Variants in RFX2 observed in about 807,000 individuals in gnomAD.
The protein encoded by RFX2 is regulatory factor X2, also known as DNA-binding protein RFX2.
In RFX2, 20 loss-of-function variants were observed where a neutral mutation model predicts 87.8. That is an observed-to-expected ratio of 0.23 (90% CI 0.16 to 0.33). The LOEUF is 0.33. Among genes scored for constraint, RFX2 ranks in the 10% least tolerant of loss-of-function variants. The pLI, the probability that RFX2 is intolerant of heterozygous loss-of-function variation, is 1.00. For synonymous variants in RFX2, 397 were observed against 431.3 expected (o/e 0.92, Z 0.98); for missense variants, 767 against 1,012.3 (o/e 0.76, Z 3.29).
intron 1 of RFX2, among the ~76,000 whole-genome samples, chr19:6,103,093 T>G (rs2088153810): frequency 6.6e-6 from 1 of 152,250 alleles, no homozygotes; most frequent in Admixed American, 6.5e-5. Context: ...CTGGGCTTCA[T>G]TATGTAATAA....
rs1437912363 is a variant in RFX2 at position 6,094,266 on chromosome 19, GA to G, written c.-9+16126del. 2.0e-5 allele frequency among the ~76,000 whole-genome samples: 3 copies of G among 151,792 alleles called. No homozygotes were observed. In the East Asian group the frequency reaches 5.8e-4, roughly 29 times the overall value. On this transcript the variant is annotated intron_variant, in intron 1 of 17. Coordinates refer to ENST00000303657, the MANE Select transcript of RFX2 (RefSeq NM_000635.4). The stretch of plus-strand genomic sequence containing the variant: ...TTTACAATTTGGATTTTTTTTTAAT[GA>G]TGAAAACGTAAGACTTTTATAATGT...
Position 6,007,993 on chromosome 19 carries a change from T to A in RFX2, c.1134+113A>T, listed in dbSNP as rs1255695577. 1 of 855,028 alleles carries A rather than the reference T, an allele frequency of 1.2e-6. No homozygotes were observed. Among genetic ancestry groups the A allele is most frequent in the South Asian group, 1.4e-5 (1 of 69,140 alleles). The allele number at this position is 855,028 out of a possible 1,614,324, so 53.0% of individuals were successfully genotyped here. ...GCTGCTGCTTCAGAGAGGATGCTTG[T>A]TGGGGGGCTCGGGGCTCCAGCTCCT... On this transcript the variant is annotated intron_variant, in intron 10 of 17. Coordinates refer to ENST00000303657, the MANE Select transcript of RFX2 (RefSeq NM_000635.4). The surrounding 1 kb of genome is among the most constrained non-coding windows in gnomAD (Gnocchi z 8.2).
chr19:6,063,473 A>T lies in RFX2; in HGVS notation c.-8-15969T>A, dbSNP rs1490548495. 6.6e-6 allele frequency among the ~76,000 whole-genome samples: 1 copy of T among 152,156 alleles called. No homozygotes were observed. The highest frequency in any genetic ancestry group is 1.5e-5 in the Non-Finnish European group (1 of 68,022). Reference sequence around the variant, plus strand: ...GGGAGGGTGAGGATGGGGTCCATGCACCTGCCAGGGTGGGGATGGACAAGA... The same window carrying T: ...GGGAGGGTGAGGATGGGGTCCATGCTCCTGCCAGGGTGGGGATGGACAAGA... On this transcript the variant is annotated intron_variant, in intron 1 of 17. Coordinates refer to ENST00000303657, the MANE Select transcript of RFX2 (RefSeq NM_000635.4). This position sits in a 1 kb window ranked among gnomAD's most constrained non-coding sequence, Gnocchi z 4.0.
chr19:6,056,441 G>A lies in RFX2; in HGVS notation c.-8-8937C>T, dbSNP rs571839480. 2.0e-5 allele frequency among the ~76,000 whole-genome samples: 3 copies of A among 152,346 alleles called. No individual in the cohort carries two copies. In the South Asian group the frequency reaches 6.2e-4, roughly 32 times the overall value. On this transcript the variant is annotated intron_variant, in intron 1 of 17. Transcript: ENST00000303657. The surrounding 1 kb of genome is among the most constrained non-coding windows in gnomAD (Gnocchi z 4.6). ...CTGGCGGTGCTTCCAGGTAAGCGCAGTAGCTCACATGGTCCTCCCAGAAGG... is the reference window on the plus strand; with the variant it reads ...CTGGCGGTGCTTCCAGGTAAGCGCAATAGCTCACATGGTCCTCCCAGAAGG...
intron 1 of RFX2, among the ~76,000 whole-genome samples, chr19:6,086,712 T>G (rs1167941728): frequency 6.6e-6 from 1 of 152,218 alleles, no homozygotes; most frequent in Non-Finnish European, 1.5e-5. Flanking sequence ...CCTTTGACAG[T>G]AATGGATGCA....
chr19:6,051,955 G>T (rs1176298102), intron 1 of RFX2, among the ~76,000 whole-genome samples: 1 of 152,144 alleles, frequency 6.6e-6, no homozygotes, highest in Admixed American at 6.6e-5. Flanking sequence ...TCAGCTCACT[G>T]CAAGCTCCAC....
chr19:5,995,594 C>T lies in RFX2; in HGVS notation c.2056+7G>A. 1 of 1,552,030 alleles carries T rather than the reference C, an allele frequency of 6.4e-7. No individual in the cohort carries two copies. ...GGTCGTGGTGGGAAAGCCGCAGACG[C>T]ACCTACCTTTGTCGAGCAGCGTCAG... On this transcript the variant is annotated splice_region_variant and intron_variant, in intron 17 of 17. Transcript: ENST00000303657.
intron 9 of RFX2, among the ~76,000 whole-genome samples, chr19:6,008,725 T>G (rs2086623200): frequency 7.0e-6 from 1 of 142,450 alleles, no homozygotes; most frequent in Non-Finnish European, 1.5e-5. Context: ...TCACCCAGGC[T>G]GGAGTGCAGT....
chr19:6,006,459 C>T (rs1255436358), intron 12 of RFX2, among the ~76,000 whole-genome samples: 1 of 137,794 alleles, frequency 7.3e-6, no homozygotes, highest in African/African-American at 3.0e-5. Context: ...ATGCCCAGCT[C>T]ATTTTTTTTT....
At chr19:6,109,954 AG>A (rs900015432) in intron 1 of RFX2, among the ~76,000 whole-genome samples, 1 of 150,540 alleles carries the variant, frequency 6.6e-6, no homozygotes, top group African/African-American at 2.5e-5. Context: ...TATGAGTAAA[AG>A]AGGGGTCCTT....
rs143212551 is a variant in RFX2, at chr19:6,040,201, C to T, written c.301G>A (p.Ala101Thr). Residue 101 changes from alanine (A) to threonine (T), a missense_variant, in exon 5 of 18, where the codon GCC becomes ACC. Around this residue, in one of 2 missense-constraint regions of RFX2, gnomAD observed 146 missense variants for 139.2 expected, o/e 1.05. Coordinates refer to ENST00000303657, the MANE Select transcript of RFX2 (RefSeq NM_000635.4). The surrounding 1 kb of genome is among the most constrained non-coding windows in gnomAD (Gnocchi z 6.1). Reference protein sequence around the residue: ...YTYNPEPQMYAPSSTASYFEA... With the variant: ...YTYNPEPQMYTPSSTASYFEA... ...AAGTAAGAAGCCGTGCTGCTGGGGGCGTACATCTGAGGCTCGGGGTTGTAG... is the reference window on the plus strand; with the variant it reads ...AAGTAAGAAGCCGTGCTGCTGGGGGTGTACATCTGAGGCTCGGGGTTGTAG... The T allele has an allele frequency of 2.0e-4, 320 of 1,587,850 alleles. No individual in the cohort carries two copies. Among genetic ancestry groups the T allele is most frequent in the Non-Finnish European group, 2.5e-4 (293 of 1,160,514 alleles).
At chr19:6,084,639 C>CTTTT (rs1189568545) in intron 1 of RFX2, among the ~76,000 whole-genome samples, 2 of 122,944 alleles carry the variant, frequency 1.6e-5, no homozygotes, top group African/African-American at 9.4e-5. Flanking sequence ...TTCTTTCTTT[C>CTTTT]TTTCTTTTTT....
In RFX2 at chr19:6,004,167, T is replaced by C. The variant is rs1325506329; in HGVS notation, c.1500+34A>G. ...CCTGGACTGGAGCCCCTCCCAGCCA[T>C]CGTTGGGGAGCCCAGGCCCCACCCC... On this transcript the variant is annotated intron_variant, in intron 13 of 17. Coordinates refer to ENST00000303657, the MANE Select transcript of RFX2 (RefSeq NM_000635.4). This position sits in a 1 kb window ranked among gnomAD's most constrained non-coding sequence, Gnocchi z 4.8. The C allele has an allele frequency of 3.9e-6, 6 of 1,524,680 alleles. No individual in the cohort carries two copies. In the Admixed American group the frequency reaches 5.0e-5, roughly 13 times the overall value. 94.4% of individuals were successfully genotyped at this position (1,524,680 alleles called of 1,614,324 possible). A position where few individuals can be genotyped will look rare whatever the true frequency, so the allele number is the denominator to read the frequency against.
intron 1 of RFX2, among the ~76,000 whole-genome samples, chr19:6,048,852 C>T (rs909484471): frequency 1.3e-5 from 2 of 151,996 alleles, no homozygotes; most frequent in African/African-American, 2.4e-5. Flanking sequence ...GGGGACTATT[C>T]CCCGACCACC....
rs897138527 is a variant in RFX2 at position 5,999,823 on chromosome 19, G to A, written c.1859+1992C>T. On this transcript the variant is annotated intron_variant, in intron 15 of 17. Transcript: ENST00000303657. The surrounding 1 kb of genome is among the most constrained non-coding windows in gnomAD (Gnocchi z 4.1). ...GGCTGGGGGTGAGGGATTTCTCTGCGGATGATGGGTTTCTCTGTGTGGCTG... is the reference window on the plus strand; with the variant it reads ...GGCTGGGGGTGAGGGATTTCTCTGCAGATGATGGGTTTCTCTGTGTGGCTG... Among the ~76,000 whole-genome samples the A allele has an allele frequency of 1.8e-4, 27 of 152,020 alleles. No individual in the cohort carries two copies. The highest frequency in any genetic ancestry group is 3.9e-4 in the East Asian group (2 of 5,176).
At position 6,074,326 on chromosome 19, in the gene RFX2, C is replaced by A. The variant is rs2087654279; in HGVS notation, c.-8-26822G>T. Among the ~76,000 whole-genome samples, 1 of 152,166 alleles carries A rather than the reference C, an allele frequency of 6.6e-6. No individual in the cohort carries two copies. On this transcript the variant is annotated intron_variant, in intron 1 of 17. Coordinates refer to ENST00000303657, the MANE Select transcript of RFX2 (RefSeq NM_000635.4). This position sits in a 1 kb window ranked among gnomAD's most constrained non-coding sequence, Gnocchi z 5.2. Reference sequence around the variant, plus strand: ...TCATCCCAAGCTAGCCCCTTCCTAACCTCAAGTCAACGAGAAGAGAAGGTG... The same window carrying A: ...TCATCCCAAGCTAGCCCCTTCCTAAACTCAAGTCAACGAGAAGAGAAGGTG...
At position 6,039,510 on chromosome 19, in the gene RFX2, T is replaced by C. The variant is rs556199237; in HGVS notation, c.522+470A>G. ...AATCGAGTTTTAAATGTAGAGACTC[T>C]GGAAAAGCAGATAAGTCGTTATTTT... On this transcript the variant is annotated intron_variant, in intron 5 of 17. Coordinates refer to ENST00000303657, the MANE Select transcript of RFX2 (RefSeq NM_000635.4). The surrounding 1 kb of genome is among the most constrained non-coding windows in gnomAD (Gnocchi z 5.2). Among the ~76,000 whole-genome samples the C allele has an allele frequency of 4.6e-5, 7 of 152,330 alleles. No homozygotes were observed. In the South Asian group the frequency reaches 1.5e-3, roughly 32 times the overall value.
chr19:6,001,847 G>A lies in RFX2; in HGVS notation c.1827C>T (p.Ala609=), dbSNP rs2086493689. 1.9e-6 allele frequency: 3 copies of A among 1,612,550 alleles called. No individual in the cohort carries two copies. The highest frequency in any genetic ancestry group is 3.3e-5 in the Admixed American group (2 of 59,948). Residue 609 remains alanine, a synonymous_variant, in exon 15 of 18, where the codon GCC becomes GCT. Transcript: ENST00000303657. The surrounding 1 kb of genome is among the most constrained non-coding windows in gnomAD (Gnocchi z 5.6). ...AGGACCATTTCAGCAAGAACTGCCG[G>A]GCGGCCTTGGGGAAGCTGGGGCTGC... ...HAGSPSFPKA[A]RQFLLKWSFY...
intron 1 of RFX2, among the ~76,000 whole-genome samples, chr19:6,049,661 C>T (rs1300691459): frequency 8.5e-5 from 13 of 152,104 alleles, no homozygotes; most frequent in South Asian, 6.2e-4. Context: ...CCTGAATAGA[C>T]GAGATTACAG....
Sources: gnomAD v4.1 joint callset for allele counts (sites outside exome capture counted in the v4.1 genomes callset) on GRCh38, gnomAD v4.1.1 for gene constraint, gnomAD v4.1.1 regional missense constraint, Gnocchi (gnomAD v3.1) non-coding constraint, MANE v1.5 for transcripts, NCBI Gene and HGNC (gene_info 2026-07-23, HGNC 2026-07-21) for gene names.